The following WAC variants were observed in gnomAD, a reference collection of about 807,000 sequenced individuals.
WAC encodes WW domain containing adaptor with coiled-coil.
In WAC, 11 loss-of-function variants were observed where a neutral mutation model predicts 79.6. The observed-to-expected ratio is 0.14, with a 90% CI of 0.09 to 0.23. The LOEUF is 0.23. WAC is among the 10% of genes least tolerant of loss of function. The pLI is 1.00. For missense variants in WAC, 728 were observed against 773.5 expected (o/e 0.94, Z 0.70); for synonymous variants, 304 against 276.9 (o/e 1.10, Z -0.97).
intron 3 of WAC, among the ~76,000 whole-genome samples, chr10:28,568,033 C>G (rs547549869): frequency 6.6e-6 from 1 of 152,182 alleles, no homozygotes; most frequent in African/African-American, 2.4e-5. Flanking sequence ...CCACCTCGCC[C>G]GGCCTCAGTA....
At chr10:28,541,974 C>T (rs1837077844) in intron 3 of WAC, among the ~76,000 whole-genome samples, 1 of 152,164 alleles carries the variant, frequency 6.6e-6, no homozygotes, top group South Asian at 2.1e-4. Flanking sequence ...GCTCACGGCC[C>T]TCCAGTGACT....
chr10:28,593,537 A>G (rs1044061622), intron 6 of WAC, among the ~76,000 whole-genome samples: 1 of 151,850 alleles, frequency 6.6e-6, no homozygotes, highest in African/African-American at 2.4e-5. Context: ...GGAGGCCGAG[A>G]CGGGTGGATC....
At chr10:28,579,423 T>C (rs1210589826) in intron 3 of WAC, among the ~76,000 whole-genome samples, 2 of 152,160 alleles carry the variant, frequency 1.3e-5, no homozygotes, top group Non-Finnish European at 2.9e-5. Flanking sequence ...TCACTAGATT[T>C]GGGATTGAAA....
At chr10:28,543,100 A>G (rs1205106653) in intron 3 of WAC, among the ~76,000 whole-genome samples, 1 of 152,236 alleles carries the variant, frequency 6.6e-6, no homozygotes, top group Non-Finnish European at 1.5e-5. Context: ...TCAAACTTGA[A>G]TGTGTATACT....
chr10:28,550,237 C>G (rs966601995), intron 3 of WAC, among the ~76,000 whole-genome samples: 1 of 150,780 alleles, frequency 6.6e-6, no homozygotes, highest in Non-Finnish European at 1.5e-5. Context: ...CTCAGCCACT[C>G]TCTGCCTTCT....
intron 3 of WAC, among the ~76,000 whole-genome samples, chr10:28,571,168 G>C (rs1395443128): frequency 6.6e-6 from 1 of 151,786 alleles, no homozygotes; most frequent in Non-Finnish European, 1.5e-5. Context: ...GACCTCACGT[G>C]ATCCACCCAC....
At chr10:28,616,804 G>A (rs746384050) in intron 12 of WAC, among the ~76,000 whole-genome samples, 5 of 152,174 alleles carry the variant, frequency 3.3e-5, no homozygotes, top group South Asian at 4.1e-4. Context: ...CTGGCCAAGC[G>A]CAGTGGCTCA....
intron 3 of WAC, among the ~76,000 whole-genome samples, chr10:28,573,361 T>C (rs901920471): frequency 3.9e-5 from 6 of 152,044 alleles, no homozygotes; most frequent in African/African-American, 1.2e-4. Context: ...ATTTTTGTTT[T>C]CTGGATATGT....
At chr10:28,584,276 G>A (rs332149) in intron 4 of WAC, among the ~76,000 whole-genome samples, 87,413 of 151,704 alleles carry the variant, frequency 0.58, 25,726 homozygotes, top group East Asian at 0.68. Flanking sequence ...ACTAAAACTT[G>A]GGCAGTAAAA....
chr10:28,591,789 C>G (rs1322483637), intron 6 of WAC: 1 of 140,684 alleles, frequency 7.1e-6, no homozygotes, highest in Non-Finnish European at 1.5e-5. Context: ...TGGCTATGAT[C>G]TTGCCACTGC....
At chr10:28,613,107 T>C (rs925210646) in intron 10 of WAC, among the ~76,000 whole-genome samples, 2 of 152,056 alleles carry the variant, frequency 1.3e-5, no homozygotes, top group Non-Finnish European at 2.9e-5. Flanking sequence ...TCTACAAAAA[T>C]AATTTGAAAA....
chr10:28,612,883 AG>A (rs1479639753), intron 10 of WAC, among the ~76,000 whole-genome samples: 5 of 152,380 alleles, frequency 3.3e-5, no homozygotes, highest in Admixed American at 2.6e-4. Context: ...TTTGGAGCTT[AG>A]AACTTGTCTT....
intron 9 of WAC, 104 bp from the exon 10 acceptor site, chr10:28,611,670 G>C: frequency 3.5e-6 from 5 of 1,415,768 alleles, no homozygotes; most frequent in Non-Finnish European, 4.8e-6. Context: ...GGGGTGGGGG[G>C]GTTTAGAGTA....
At chr10:28,536,729 T>G (rs1836701407) in intron 3 of WAC, among the ~76,000 whole-genome samples, 1 of 152,200 alleles carries the variant, frequency 6.6e-6, no homozygotes, top group Admixed American at 6.5e-5. Flanking sequence ...CAAAACCAAT[T>G]CTCAGTAACT....
chr10:28,573,388 A>G (rs1839080899), intron 3 of WAC, among the ~76,000 whole-genome samples: 1 of 152,184 alleles, frequency 6.6e-6, no homozygotes, highest in African/African-American at 2.4e-5. Flanking sequence ...AACTGATTAC[A>G]CAGTATGTGG....
chr10:28,533,733 G>A (rs1160664301), intron 1 of WAC, 113 bp downstream of exon 1: 2 of 1,320,430 alleles, frequency 1.5e-6, no homozygotes, highest in African/African-American at 1.5e-5. Context: ...ACCCTGATCC[G>A]GATCGGGTTG....
chr10:28,535,059 AG>A (rs2132303526), intron 2 of WAC, among the ~76,000 whole-genome samples: 1 of 151,814 alleles, frequency 6.6e-6, no homozygotes, highest in East Asian at 1.9e-4. Flanking sequence ...TGGGAGAGTA[AG>A]GAAGTTAGGT....
Position 28,595,840 on chromosome 10 carries a change from C to T in WAC, c.718C>T (p.His240Tyr), listed in dbSNP as rs1478715324. 9 of 1,614,158 alleles carry T rather than the reference C, an allele frequency of 5.6e-6. No homozygotes were observed. Among genetic ancestry groups the T allele is most frequent in the Non-Finnish European group, 7.6e-6 (9 of 1,180,010 alleles). Residue 240 changes from histidine to tyrosine, a missense_variant, in exon 7 of 14, where the codon CAC becomes TAC. By Grantham distance (83) the His-to-Tyr change is moderately conservative (BLOSUM62 2). This residue lies in a region of WAC where 648 missense variants were observed against 661.5 expected (regional missense o/e 0.98). Transcript: ENST00000354911. ...CTACAGACTGCCAAGAGCAGAGACTCACAGTAGTTCTACGCCAGTACAGCA... is the reference window on the plus strand; with the variant it reads ...CTACAGACTGCCAAGAGCAGAGACTTACAGTAGTTCTACGCCAGTACAGCA... ...RDYRLPRAET[H>Y]SSSTPVQHPI...
At chr10:28,535,997 C>G in intron 3 of WAC, 1 of 272,036 alleles carries the variant, frequency 3.7e-6, no homozygotes, top group Non-Finnish European at 6.8e-6. Context: ...AATCTCAGCA[C>G]TTGGGAGGCC....
Sources: allele counts gnomAD v4.1 joint callset (sites outside exome capture counted in the v4.1 genomes callset), GRCh38; gene constraint gnomAD v4.1.1; regional missense constraint gnomAD v4.1.1; transcripts MANE v1.5; gene names NCBI Gene and HGNC (gene_info 2026-07-23, HGNC 2026-07-21).